Variants in GRK5 observed in about 807,000 individuals in gnomAD.
GRK5 encodes G protein-coupled receptor kinase 5.
Under a neutral mutation model 78.4 loss-of-function variants are expected in GRK5, and 40 were observed. That is an observed-to-expected ratio of 0.51 (90% CI 0.40 to 0.66). The LOEUF is 0.66. Among genes scored for constraint, GRK5 ranks in the 30% least tolerant of loss-of-function variants. The pLI is 0.00. For missense variants in GRK5, 598 were observed against 759.9 expected (o/e 0.79, Z 2.50); for synonymous variants, 289 against 296.8 (o/e 0.97, Z 0.27).
At chr10:119,403,916 C>T (rs1425785742) in intron 4 of GRK5, among the ~76,000 whole-genome samples, 1 of 152,066 alleles carries the variant, frequency 6.6e-6, no homozygotes, top group Admixed American at 6.6e-5. Flanking sequence ...ATTACAGGCA[C>T]GAGCCACCGT....
intron 3 of GRK5, among the ~76,000 whole-genome samples, chr10:119,393,545 G>A (rs1020141631): frequency 3.9e-5 from 6 of 152,190 alleles, no homozygotes; most frequent in Non-Finnish European, 7.3e-5. Flanking sequence ...AATGATGGCC[G>A]GCCATTTGCC....
chr10:119,314,632 T>A (rs1326281750), intron 1 of GRK5, among the ~76,000 whole-genome samples: 1 of 152,202 alleles, frequency 6.6e-6, no homozygotes, highest in Non-Finnish European at 1.5e-5. Context: ...AGTGGACCCA[T>A]GCCATCCAGA....
chr10:119,209,333 G>A (rs1848442748), intron 1 of GRK5, among the ~76,000 whole-genome samples: 1 of 152,078 alleles, frequency 6.6e-6, no homozygotes, highest in Admixed American at 6.6e-5. Flanking sequence ...CAGAAGCCCC[G>A]AAGGGAGGCA....
intron 1 of GRK5, among the ~76,000 whole-genome samples, chr10:119,292,272 CTTCTCCTCCTCTTCCTCT>C (rs1564879899): frequency 6.7e-6 from 1 of 149,028 alleles, no homozygotes; most frequent in African/African-American, 2.5e-5. Flanking sequence ...CTTCCTCCTC[CTTCTCCTCCTCTTCCTCT>C]TTCTCCTCCT....
In GRK5 at chr10:119,271,645, C is replaced by T. The variant is rs1028058727; in HGVS notation, c.53-54871C>T. On this transcript the variant is annotated intron_variant, in intron 1 of 15. Coordinates refer to ENST00000392870, the MANE Select transcript of GRK5 (RefSeq NM_005308.3). This position sits in a 1 kb window ranked among gnomAD's most constrained non-coding sequence, Gnocchi z 4.1. ...GGCTGGTGTGTGCGGGGTTTTGTCG[C>T]CACCTTTGGCAATGGAAGAGGGGAA... 2.6e-5 allele frequency among the ~76,000 whole-genome samples: 4 copies of T among 152,220 alleles called. No individual in the cohort carries two copies. Among genetic ancestry groups the T allele is most frequent in the African/African-American group, 9.6e-5 (4 of 41,536 alleles).
In GRK5 at chr10:119,412,890, G is replaced by A. The variant is rs1852372968; in HGVS notation, c.340-10276G>A. On this transcript the variant is annotated intron_variant, in intron 4 of 15. Coordinates refer to ENST00000392870, the MANE Select transcript of GRK5 (RefSeq NM_005308.3). This position sits in a 1 kb window ranked among gnomAD's most constrained non-coding sequence, Gnocchi z 4.3. Reference sequence around the variant, plus strand: ...CCCCAGACCCCGTCGCTGCAGCTGGGTGAGCAGGGCTGAGTGAGCTCAGGG... The same window carrying A: ...CCCCAGACCCCGTCGCTGCAGCTGGATGAGCAGGGCTGAGTGAGCTCAGGG... 6.6e-6 allele frequency among the ~76,000 whole-genome samples: 1 copy of A among 152,184 alleles called. No individual in the cohort carries two copies. Among genetic ancestry groups the A allele is most frequent in the Admixed American group, 6.5e-5 (1 of 15,280 alleles).
Position 119,343,604 on chromosome 10 carries a change from A to G in GRK5, c.148+16993A>G, listed in dbSNP as rs139382829. On this transcript the variant is annotated intron_variant, in intron 2 of 15. Transcript: ENST00000392870. ...CATGGCTTCCCCGTGGACGTGGAAC[A>G]ATATGGGCATGTTTGGGAGAGGAGG... Among the ~76,000 whole-genome samples, 47 of 152,326 alleles carry G rather than the reference A, an allele frequency of 3.1e-4. No individual in the cohort carries two copies. The South Asian group carries it at 5.8e-3, about 19-fold the overall frequency.
rs1853309010 is a variant in GRK5 at position 119,452,557 on chromosome 10, T to C, written c.1405-114T>C. Reference sequence around the variant, plus strand: ...CTCCAGCCACTACCCATAGCAGTTCTGGGGGTGTGTCCTGGGAAGACTCCC... The same window carrying C: ...CTCCAGCCACTACCCATAGCAGTTCCGGGGGTGTGTCCTGGGAAGACTCCC... On this transcript the variant is annotated intron_variant, in intron 13 of 15. Coordinates refer to ENST00000392870, the MANE Select transcript of GRK5 (RefSeq NM_005308.3). The surrounding 1 kb of genome is among the most constrained non-coding windows in gnomAD (Gnocchi z 4.4). The C allele has an allele frequency of 1.6e-6, 2 of 1,261,932 alleles. No homozygotes were observed. Among genetic ancestry groups the C allele is most frequent in the Admixed American group, 2.0e-5 (1 of 50,178 alleles). The allele number at this position is 1,261,932 out of a possible 1,614,324, so 78.2% of individuals were successfully genotyped here.
intron 1 of GRK5, among the ~76,000 whole-genome samples, chr10:119,248,202 A>G (rs1433012128): frequency 6.6e-6 from 1 of 152,048 alleles, no homozygotes; most frequent in Non-Finnish European, 1.5e-5. Context: ...GTGTGGAGAA[A>G]GGGTCTTGCC....
chr10:119,324,923 C>T (rs576476481), intron 1 of GRK5, among the ~76,000 whole-genome samples: 1 of 152,374 alleles, frequency 6.6e-6, no homozygotes, highest in East Asian at 1.9e-4. Context: ...ATACGCATTC[C>T]TTCTGTCCCT....
At chr10:119,333,790 TC>T (rs1255354358) in intron 2 of GRK5, 1 of 533,084 alleles carries the variant, frequency 1.9e-6, no homozygotes, top group Non-Finnish European at 3.8e-6. Context: ...ATCGCTGATC[TC>T]CTGGAGCTCA....
intron 9 of GRK5, among the ~76,000 whole-genome samples, chr10:119,438,672 G>A (rs909308461): frequency 6.6e-6 from 1 of 152,196 alleles, no homozygotes; most frequent in Non-Finnish European, 1.5e-5. Context: ...CTCCTCCCTG[G>A]CTGTGACCAC....
At chr10:119,229,372 C>T (rs1848789966) in intron 1 of GRK5, among the ~76,000 whole-genome samples, 2 of 152,162 alleles carry the variant, frequency 1.3e-5, no homozygotes, top group South Asian at 2.1e-4. Flanking sequence ...CCTTGGTTGA[C>T]AAGCTGGGCA....
At chr10:119,234,650 CT>C (rs1204723561) in intron 1 of GRK5, among the ~76,000 whole-genome samples, 1 of 149,996 alleles carries the variant, frequency 6.7e-6, no homozygotes, top group Non-Finnish European at 1.5e-5. Flanking sequence ...CTATTCTTTT[CT>C]TTTCTCCCTC....
Position 119,253,237 on chromosome 10 carries a change from A to G in GRK5, c.52+45268A>G, listed in dbSNP as rs1484913469. ...TCTGTTGAGATTACAGAGGCCCTTGATAGAGTCCGAAATTTGAAGGACAAG... is the reference window on the plus strand; with the variant it reads ...TCTGTTGAGATTACAGAGGCCCTTGGTAGAGTCCGAAATTTGAAGGACAAG... On this transcript the variant is annotated intron_variant, in intron 1 of 15. Transcript: ENST00000392870. The surrounding 1 kb of genome is among the most constrained non-coding windows in gnomAD (Gnocchi z 5.7). Among the ~76,000 whole-genome samples, 3 of 152,166 alleles carry G rather than the reference A, an allele frequency of 2.0e-5. No individual in the cohort carries two copies. The highest frequency in any genetic ancestry group is 7.2e-5 in the African/African-American group (3 of 41,438).
chr10:119,250,286 T>A (rs77723543), intron 1 of GRK5, among the ~76,000 whole-genome samples: 3,228 of 152,322 alleles, frequency 0.021, 58 homozygotes, highest in Admixed American at 0.055. Flanking sequence ...TACTTGTGGA[T>A]GTAGGGTTTG....
intron 10 of GRK5, among the ~76,000 whole-genome samples, chr10:119,441,305 G>A (rs1317502990): frequency 6.6e-6 from 1 of 152,232 alleles, no homozygotes; most frequent in Non-Finnish European, 1.5e-5. Flanking sequence ...AGGGATGGGG[G>A]TGGGGCCCTG....
At chr10:119,347,296 T>C (rs937031748) in intron 2 of GRK5, among the ~76,000 whole-genome samples, 3 of 152,180 alleles carry the variant, frequency 2.0e-5, no homozygotes, top group African/African-American at 7.2e-5. Flanking sequence ...TGCATGTGTG[T>C]GTATACATGC....
chr10:119,440,109 C>T (rs1853003319), intron 10 of GRK5, among the ~76,000 whole-genome samples: 1 of 152,180 alleles, frequency 6.6e-6, no homozygotes, highest in South Asian at 2.1e-4. Flanking sequence ...ACTTAACTTC[C>T]ATCAAGTTCT....
Sources: gnomAD v4.1 joint callset for allele counts (sites outside exome capture counted in the v4.1 genomes callset) on GRCh38, gnomAD v4.1.1 for gene constraint, Gnocchi (gnomAD v3.1) non-coding constraint, MANE v1.5 for transcripts, NCBI Gene and HGNC (gene_info 2026-07-23, HGNC 2026-07-21) for gene names.